The following SCNN1B variants were observed in gnomAD, a reference collection of about 807,000 sequenced individuals.
SCNN1B encodes the protein epithelial sodium channel subunit beta.
A neutral mutation model predicts 65.3 loss-of-function variants in SCNN1B; 46 were observed. The ratio of observed to expected loss-of-function variants is 0.70; its 90% CI spans 0.56 to 0.90. The LOEUF (loss-of-function observed/expected upper bound fraction) is 0.90, where lower values mean the gene tolerates loss of function less well. Ranked by LOEUF, SCNN1B falls within the 40% of genes least tolerant of loss-of-function variation. The pLI, the probability that SCNN1B is intolerant of heterozygous loss-of-function variation, is 0.00. For synonymous variants in SCNN1B, 349 were observed against 330.6 expected, an observed-to-expected ratio of 1.06 and a Z score of -0.60; for missense variants, 751 against 830.5, an observed-to-expected ratio of 0.90 and a Z score of 1.18.
chr16:23,371,494 G>A, intron 6 of SCNN1B, 32 bp downstream of exon 6: 1 of 1,609,776 alleles, frequency 6.2e-7, no homozygotes, highest in South Asian at 1.1e-5. Flanking sequence ...AGTCCTAGAG[G>A]GTCTGAGGGT....
chr16:23,292,196 ATTTT>A (rs59582200), intron 2 of SCNN1B, among the ~76,000 whole-genome samples: 7 of 133,282 alleles, frequency 5.3e-5, no homozygotes, highest in Admixed American at 3.0e-4. Flanking sequence ...TTCTTTCTTT[ATTTT>A]TTTTTTTTTT....
intron 1 of SCNN1B, among the ~76,000 whole-genome samples, chr16:23,340,433 C>T (rs546632478): frequency 1.3e-5 from 2 of 152,174 alleles, no homozygotes; most frequent in African/African-American, 2.4e-5. Flanking sequence ...GGTCTATGAA[C>T]CATTTGAAGT....
At chr16:23,367,352 C>T (rs1217068621) in intron 4 of SCNN1B, among the ~76,000 whole-genome samples, 1 of 152,094 alleles carries the variant, frequency 6.6e-6, no homozygotes, top group East Asian at 1.9e-4. Context: ...GGCTGGAGTG[C>T]AGTGGCACAA....
chr16:23,353,208 C>A, intron 3 of SCNN1B, 134 bp downstream of exon 3: 8 of 1,105,488 alleles, frequency 7.2e-6, no homozygotes, highest in Admixed American at 2.2e-5. Flanking sequence ...TGCTTGTTTG[C>A]AGAGATTTTT....
intron 1 of SCNN1B, among the ~76,000 whole-genome samples, chr16:23,345,805 A>T (rs1962173446): frequency 1.3e-5 from 2 of 152,198 alleles, no homozygotes; most frequent in South Asian, 4.1e-4. Flanking sequence ...CACACTGCCC[A>T]GCATGGTGCC....
At chr16:23,294,041 A>G (rs1054040232) in intron 2 of SCNN1B, among the ~76,000 whole-genome samples, 1 of 152,132 alleles carries the variant, frequency 6.6e-6, no homozygotes, top group Admixed American at 6.6e-5. Flanking sequence ...AACCTTCTCA[A>G]GGATCCCACC....
At position 23,379,963 on chromosome 16, in the gene SCNN1B, G is replaced by A. The variant is rs1035154767; in HGVS notation, c.1467-131G>A. 6.5e-6 allele frequency: 5 copies of A among 770,302 alleles called. No individual in the cohort carries two copies. In the African/African-American group the frequency reaches 8.5e-5, roughly 13 times the overall value. The allele number at this position is 770,302 out of a possible 1,614,324, so 47.7% of individuals were successfully genotyped here. A position where few individuals can be genotyped will look rare whatever the true frequency, so the allele number is the denominator to read the frequency against. On this transcript the variant is annotated intron_variant, in intron 11 of 12. Transcript: ENST00000343070. ...GTGTGCATGTGTGCACGGGTGTGTG[G>A]GTACATGTGTGTGCATACATGTGGG...
At chr16:23,339,561 T>TTTA (rs988084325) in intron 1 of SCNN1B, among the ~76,000 whole-genome samples, 58 of 151,454 alleles carry the variant, frequency 3.8e-4, no homozygotes, top group Middle Eastern at 6.8e-3. Context: ...TTAACTTATT[T>TTTA]TTATTATTAT....
At chr16:23,338,983 A>G (rs1430701114) in intron 1 of SCNN1B, among the ~76,000 whole-genome samples, 1 of 152,182 alleles carries the variant, frequency 6.6e-6, no homozygotes, top group African/African-American at 2.4e-5. Flanking sequence ...AAGATCTAGA[A>G]TATTCTCATC....
intron 1 of SCNN1B, among the ~76,000 whole-genome samples, chr16:23,334,518 A>T (rs918632087): frequency 6.6e-6 from 1 of 152,160 alleles, no homozygotes; most frequent in Non-Finnish European, 1.5e-5. Flanking sequence ...GGTCTAGAAC[A>T]TCAACACTTC....
chr16:23,316,856 A>G (rs1961481900), intron 1 of SCNN1B, among the ~76,000 whole-genome samples: 1 of 151,612 alleles, frequency 6.6e-6, no homozygotes, highest in Admixed American at 6.6e-5. Context: ...CACCATCACC[A>G]TTATCATCAC....
chr16:23,356,617 C>T (rs1296988568), intron 4 of SCNN1B, among the ~76,000 whole-genome samples: 1 of 128,672 alleles, frequency 7.8e-6, no homozygotes, highest in East Asian at 2.6e-4. Flanking sequence ...GAATGAGACC[C>T]TGTCTCTTAA....
chr16:23,318,314 T>C (rs73542379), intron 1 of SCNN1B, among the ~76,000 whole-genome samples: 12,613 of 152,124 alleles, frequency 0.083, 1,790 homozygotes, highest in African/African-American at 0.29. Flanking sequence ...AAAACAGGTG[T>C]ATACTAATAT....
At chr16:23,313,586 T>C (rs7206864) in intron 1 of SCNN1B, among the ~76,000 whole-genome samples, 25,899 of 152,116 alleles carry the variant, frequency 0.17, 2,885 homozygotes, top group African/African-American at 0.29. Context: ...AGTATAATAA[T>C]AAAAATAAGC....
chr16:23,368,171 G>C (rs1003243260), intron 5 of SCNN1B, among the ~76,000 whole-genome samples: 3 of 152,180 alleles, frequency 2.0e-5, no homozygotes, highest in East Asian at 1.9e-4. Context: ...AGAATCCGTG[G>C]GGTAGCAACT....
At chr16:23,373,235 C>T (rs1258059608) in intron 7 of SCNN1B, among the ~76,000 whole-genome samples, 1 of 152,230 alleles carries the variant, frequency 6.6e-6, no homozygotes, top group Non-Finnish European at 1.5e-5. Flanking sequence ...CCGCCTGCCT[C>T]AGCCTCCCTA....
chr16:23,365,621 A>G (rs1216338713), intron 4 of SCNN1B, among the ~76,000 whole-genome samples: 2 of 7,984 alleles, frequency 2.5e-4, no homozygotes, highest in Non-Finnish European at 4.0e-4. Flanking sequence ...AAGAAAGAAA[A>G]AAGAAAGAAG....
chr16:23,331,757 G>C (rs753683002), intron 1 of SCNN1B, among the ~76,000 whole-genome samples: 1 of 152,154 alleles, frequency 6.6e-6, no homozygotes, highest in African/African-American at 2.4e-5. Context: ...TCAGATCACA[G>C]CACCAGCACA....
At chr16:23,377,712 C>G (rs866059021) in intron 10 of SCNN1B, among the ~76,000 whole-genome samples, 1 of 49,042 alleles carries the variant, frequency 2.0e-5, no homozygotes, top group Admixed American at 2.8e-4. Context: ...CTTTCCTTTC[C>G]TCCTTCCTTC....
Sources: gnomAD v4.1 joint callset for allele counts (sites outside exome capture counted in the v4.1 genomes callset) on GRCh38, gnomAD v4.1.1 for gene constraint, MANE v1.5 for transcripts, NCBI Gene and HGNC (gene_info 2026-07-23, HGNC 2026-07-21) for gene names.